Variants in ACACA observed in about 807,000 individuals in gnomAD.
The protein encoded by ACACA is acetyl-CoA carboxylase 1.
ACACA carries 103 observed loss-of-function variants against 296.1 expected under a neutral mutation model. The ratio of observed to expected loss-of-function variants is 0.35; its 90% CI spans 0.30 to 0.41. ACACA has a LOEUF of 0.41. Ranked by LOEUF, ACACA falls within the 10% of genes least tolerant of loss-of-function variation. The probability of loss-of-function intolerance (pLI) is 1.00; values close to 1 mark genes in which losing one functional copy is unlikely to be tolerated. For synonymous variants in ACACA, 953 were observed against 1,038.6 expected (o/e 0.92, Z 1.58); for missense variants, 1,554 against 2,989.7 (o/e 0.52, Z 11.20).
At chr17:37,376,102 A>G (rs1244729293) in intron 1 of ACACA, 1 of 1,612,748 alleles carries the variant, frequency 6.2e-7, no homozygotes, top group African/African-American at 1.3e-5. Flanking sequence ...CATGGATACC[A>G]TCTTGGTCTT....
chr17:37,331,353 C>T (rs1036615860), intron 2 of ACACA, among the ~76,000 whole-genome samples: 1 of 151,514 alleles, frequency 6.6e-6, no homozygotes, highest in Admixed American at 6.6e-5. Flanking sequence ...TCCTGACCTT[C>T]CGCCTCAGCC....
chr17:37,354,603 A>G (rs551604606), intron 1 of ACACA, among the ~76,000 whole-genome samples: 1 of 152,296 alleles, frequency 6.6e-6, no homozygotes, highest in African/African-American at 2.4e-5. Flanking sequence ...GATTCAAGCG[A>G]ATACAGTACT....
At chr17:37,207,475 T>C in intron 31 of ACACA, among the ~76,000 whole-genome samples, 182 bp downstream of exon 31, 1 of 152,182 alleles carries the variant, frequency 6.6e-6, no homozygotes, top group Non-Finnish European at 1.5e-5. Flanking sequence ...TTGTAGAATC[T>C]GAATGAGAGG....
chr17:37,278,653 G>A (rs1488506710), intron 5 of ACACA, among the ~76,000 whole-genome samples: 1 of 152,132 alleles, frequency 6.6e-6, no homozygotes, highest in Non-Finnish European at 1.5e-5. Context: ...AACTGTAACA[G>A]AAGAGCTACC....
In ACACA at chr17:37,151,501, G is replaced by A; in HGVS notation, c.5448-80C>T. 7 of 1,568,906 alleles carry A rather than the reference G, an allele frequency of 4.5e-6. 1 individual carries two copies. The South Asian group carries it at 7.9e-5, about 18-fold the overall frequency. The stretch of plus-strand genomic sequence containing the variant: ...ATTAAAAGAATAATCACCAATAAAA[G>A]GCGGCTAAAAGTGTATTGAAAGCTT... On this transcript the variant is annotated intron_variant, in intron 43 of 55. Transcript: ENST00000616317.
intron 29 of ACACA, among the ~76,000 whole-genome samples, chr17:37,220,957 T>A (rs2079258643): frequency 6.6e-6 from 1 of 152,188 alleles, no homozygotes; most frequent in African/African-American, 2.4e-5. Flanking sequence ...GCTGTGGTAT[T>A]TATATTTCCT....
At chr17:37,279,224 T>C (rs1479226256) in intron 5 of ACACA, among the ~76,000 whole-genome samples, 1 of 152,180 alleles carries the variant, frequency 6.6e-6, no homozygotes, top group East Asian at 1.9e-4. Flanking sequence ...AAAATTCCGC[T>C]AGAATTTCTT....
At chr17:37,167,833 C>T (rs1315394850) in intron 41 of ACACA, among the ~76,000 whole-genome samples, 2 of 151,942 alleles carry the variant, frequency 1.3e-5, no homozygotes, top group South Asian at 2.1e-4. Context: ...TATACCAGAA[C>T]TCTCTAATAT....
intron 35 of ACACA, among the ~76,000 whole-genome samples, chr17:37,199,172 G>A (rs984807910): frequency 6.6e-6 from 1 of 151,740 alleles, no homozygotes; most frequent in East Asian, 1.9e-4. Context: ...CCCAGGAGGC[G>A]GAGGTTGCAG....
intron 3 of ACACA, among the ~76,000 whole-genome samples, chr17:37,318,159 T>G (rs2047182266): frequency 6.6e-6 from 1 of 152,184 alleles, no homozygotes; most frequent in Non-Finnish European, 1.5e-5. Flanking sequence ...CAGAGCCAAT[T>G]TCCTTATTTC....
chr17:37,121,171 G>A (rs1276491959), intron 50 of ACACA, among the ~76,000 whole-genome samples, 184 bp downstream of exon 50: 2 of 152,162 alleles, frequency 1.3e-5, no homozygotes, highest in African/African-American at 4.8e-5. Flanking sequence ...ATTCTGTATG[G>A]AATTATAAAA....
In ACACA at chr17:37,406,751, C is replaced by G. The variant is rs1362703752; in HGVS notation, c.-452G>C. The G allele has an allele frequency of 6.1e-6, 1 of 163,378 alleles. No homozygotes were observed. Among genetic ancestry groups the G allele is most frequent in the African/African-American group, 2.4e-5 (1 of 41,660 alleles). The allele number at this position is 163,378 out of a possible 1,614,324, so 10.1% of individuals were successfully genotyped here. ...GGGCACGGGGACAGCAGCAGGCGCG[C>G]GGCGGGGACCGGGAAAAGGCCAAGA... On this transcript the variant is annotated 5_prime_UTR_variant, in exon 1 of 56. Transcript: ENST00000616317.
At chr17:37,229,525 G>A (rs1450695255) in intron 25 of ACACA, among the ~76,000 whole-genome samples, 1 of 151,712 alleles carries the variant, frequency 6.6e-6, no homozygotes, top group East Asian at 2.0e-4. Flanking sequence ...GGATGGTATC[G>A]ATCTCCTGAC....
chr17:37,197,988 A>G (rs2078080026), intron 35 of ACACA, among the ~76,000 whole-genome samples: 1 of 152,246 alleles, frequency 6.6e-6, no homozygotes, highest in African/African-American at 2.4e-5. Context: ...ATTGTCACGG[A>G]AGACCCCCTG....
At chr17:37,297,410 T>C (rs996002164) in intron 3 of ACACA, among the ~76,000 whole-genome samples, 7 of 141,634 alleles carry the variant, frequency 4.9e-5, no homozygotes, top group African/African-American at 1.6e-4. Context: ...CATCACACTC[T>C]AGCATGGGCG....
intron 47 of ACACA, 125 bp from the exon 48 acceptor site, chr17:37,125,919 T>G: frequency 1.3e-6 from 1 of 788,226 alleles, no homozygotes. Flanking sequence ...TTAACCAAAT[T>G]ATAATAGATG....
At chr17:37,342,871 G>A (rs946907689) in intron 1 of ACACA, among the ~76,000 whole-genome samples, 2 of 152,022 alleles carry the variant, frequency 1.3e-5, no homozygotes, top group African/African-American at 4.8e-5. Flanking sequence ...AGCCCAGAAG[G>A]TTGAGGCTGA....
chr17:37,149,287 A>G (rs1166004169), intron 45 of ACACA, among the ~76,000 whole-genome samples: 1 of 152,182 alleles, frequency 6.6e-6, no homozygotes, highest in African/African-American at 2.4e-5. Flanking sequence ...TTTGCCAAAT[A>G]TTTCTTCTAT....
intron 24 of ACACA, among the ~76,000 whole-genome samples, chr17:37,238,563 T>C (rs1195330845): frequency 6.6e-6 from 1 of 152,184 alleles, no homozygotes; most frequent in East Asian, 1.9e-4. Flanking sequence ...ATCTTGGTTA[T>C]TGTGAGACTT....
Sources: gnomAD v4.1 joint callset for allele counts (sites outside exome capture counted in the v4.1 genomes callset) on GRCh38, gnomAD v4.1.1 for gene constraint, MANE v1.5 for transcripts, NCBI Gene and HGNC (gene_info 2026-07-23, HGNC 2026-07-21) for gene names.